PDE4C: variants seen among roughly 807,000 people sequenced by gnomAD.
PDE4C encodes 3',5'-cyclic-AMP phosphodiesterase 4C.
A neutral mutation model predicts 63.9 loss-of-function variants in PDE4C; 50 were observed. The observed-to-expected ratio is 0.78, with a 90% CI of 0.62 to 0.99. The LOEUF is 0.99. Ranked by LOEUF, PDE4C falls within the 50% of genes least tolerant of loss-of-function variation. The pLI, the probability that PDE4C is intolerant of heterozygous loss-of-function variation, is 0.00. For synonymous variants in PDE4C, 377 were observed against 385.1 expected (o/e 0.98, Z 0.25); for missense variants, 777 against 899.1 (o/e 0.86, Z 1.74).
At chr19:18,210,743 G>A in exon 15 of PDE4C, 1 of 1,004,722 alleles carries the variant, frequency 1.0e-6, no homozygotes. Flanking sequence ...TAGGGTCAGA[G>A]TGGACCCCAG....
chr19:18,227,642 C>T (rs181282802), upstream of PDE4C, among the ~76,000 whole-genome samples: 20 of 152,304 alleles, frequency 1.3e-4, no homozygotes, highest in South Asian at 2.1e-3. Flanking sequence ...GCATGTGTCA[C>T]ACAAGGAGGA....
chr19:18,233,422 A>AAGGGT (rs1968893644), exon 1 of PDE4C: 1 of 704,818 alleles, frequency 1.4e-6, no homozygotes, highest in African/African-American at 1.8e-5. Context: ...AACAGGGGAG[A>AAGGGT]AGAACGTGGT....
chr19:18,233,694 A>T, upstream of PDE4C: 2 of 354,600 alleles, frequency 5.6e-6, no homozygotes, highest in Non-Finnish European at 1.1e-5. Flanking sequence ...TGGATGAGAC[A>T]GCGAAGAGCT....
At position 18,222,704 on chromosome 19, in the gene PDE4C, T is replaced by TC. The variant is rs1555824844; in HGVS notation, c.147-382_147-381insG. 2.0e-4 allele frequency among the ~76,000 whole-genome samples: 27 copies of TC among 134,040 alleles called. 2 individuals are homozygous for TC. Among genetic ancestry groups the TC allele is most frequent in the South Asian group, 5.1e-4 (2 of 3,904 alleles). 87.9% of individuals were successfully genotyped at this position (134,040 alleles called of 152,430 possible). Reference sequence around the variant, plus strand: ...CTCTCTCTCGCCCTTTCTTTTCTTTTTTTTTTTTTTTTTTTGACAGGGCCC... The same window carrying TC: ...CTCTCTCTCGCCCTTTCTTTTCTTTTCTTTTTTTTTTTTTTTGACAGGGCCC... On this transcript the variant is annotated intron_variant, in intron 1 of 14. Coordinates refer to ENST00000262805, the Ensembl canonical transcript of PDE4C.
Position 18,219,755 on chromosome 19 carries a change from C to A in PDE4C, c.707-358G>T, listed in dbSNP as rs930331140. The A allele has an allele frequency of 1.3e-5, 3 of 229,620 alleles. No individual in the cohort carries two copies. In the East Asian group the frequency reaches 3.2e-4, roughly 25 times the overall value. 14.2% of individuals were successfully genotyped at this position (229,620 alleles called of 1,614,324 possible). On this transcript the variant is annotated intron_variant, in intron 7 of 14. Coordinates refer to ENST00000262805, the Ensembl canonical transcript of PDE4C. Reference sequence around the variant, plus strand: ...GGGAGAATTGCTTGAACCCAGGAGGCGGAGGTTGCAGTGGCTGAGATTGCA... The same window carrying A: ...GGGAGAATTGCTTGAACCCAGGAGGAGGAGGTTGCAGTGGCTGAGATTGCA...
chr19:18,244,435 C>T (rs1328370316), intron 1 of PDE4C, among the ~76,000 whole-genome samples: 6 of 152,030 alleles, frequency 3.9e-5, no homozygotes, highest in Non-Finnish European at 8.8e-5. Flanking sequence ...TCTGAGATTA[C>T]AGGCGACCGC....
chr19:18,219,616 G>A, intron 7 of PDE4C: 1 of 561,652 alleles, frequency 1.8e-6, no homozygotes, highest in Middle Eastern at 4.7e-4. Flanking sequence ...TTGAGGTCAG[G>A]AGTTCGAGAC....
chr19:18,241,551 G>A (rs1969039952), intron 1 of PDE4C, among the ~76,000 whole-genome samples: 1 of 151,670 alleles, frequency 6.6e-6, no homozygotes, highest in African/African-American at 2.4e-5. Context: ...ACAGGCGTGA[G>A]CCACCGCGCC....
the PDE4C span, among the ~76,000 whole-genome samples, chr19:18,253,315 C>T: frequency 6.6e-6 from 1 of 152,234 alleles, no homozygotes; most frequent in Admixed American, 6.5e-5. Context: ...CCCAGGAATT[C>T]AAGGCTGTAG....
At chr19:18,213,395 G>C (rs765074470) in exon 13 of PDE4C, 1 of 1,613,874 alleles carries the variant, frequency 6.2e-7, no homozygotes, top group African/African-American at 1.3e-5. Flanking sequence ...AGTTGTCCAG[G>C]AGGAGGACAC....
At chr19:18,248,821 G>A (rs1039780742), upstream of PDE4C, among the ~76,000 whole-genome samples, 93 of 128,906 alleles carry the variant, frequency 7.2e-4, 1 homozygote, top group Non-Finnish European at 1.5e-4. Context: ...TCAGGAGATC[G>A]AGACCATCCT....
chr19:18,228,540 A>G (rs1179196969), upstream of PDE4C, among the ~76,000 whole-genome samples: 6 of 152,194 alleles, frequency 3.9e-5, no homozygotes, highest in Non-Finnish European at 8.8e-5. Context: ...GTCCTCCCGC[A>G]CTGGATGCGT....
upstream of PDE4C, among the ~76,000 whole-genome samples, chr19:18,231,219 C>A (rs1600095423): frequency 6.6e-6 from 1 of 152,210 alleles, no homozygotes; most frequent in East Asian, 1.9e-4. Context: ...GCACAGTGGG[C>A]CACATGCATG....
intron 1 of PDE4C, among the ~76,000 whole-genome samples, chr19:18,243,229 C>A (rs1309904417): frequency 1.3e-5 from 2 of 152,126 alleles, no homozygotes; most frequent in Non-Finnish European, 2.9e-5. Flanking sequence ...CCTGCCTCAG[C>A]CTCCCGAGTA....
upstream of PDE4C, among the ~76,000 whole-genome samples, chr19:18,229,228 C>T (rs963285512): frequency 1.3e-4 from 20 of 149,696 alleles, no homozygotes; most frequent in Non-Finnish European, 2.1e-4. Flanking sequence ...GGATTACAGG[C>T]GTGAGCCACT....
chr19:18,226,386 G>C, exon 1 of PDE4C: 4 of 1,463,264 alleles, frequency 2.7e-6, no homozygotes, highest in Non-Finnish European at 3.6e-6. Context: ...CGGGCCCGGG[G>C]ACCGGGGCGG....
intron 1 of PDE4C, among the ~76,000 whole-genome samples, chr19:18,231,554 G>C (rs1044041486): frequency 6.6e-6 from 1 of 152,164 alleles, no homozygotes; most frequent in Non-Finnish European, 1.5e-5. Flanking sequence ...GGCCAGGCTG[G>C]GGGCGAGAGG....
chr19:18,212,056 G>A lies in PDE4C; in HGVS notation c.1513-115C>T, dbSNP rs934955838. 3.0e-6 allele frequency: 3 copies of A among 1,002,444 alleles called. No homozygotes were observed. The African/African-American group carries it at 4.8e-5, about 16-fold the overall frequency. The allele number at this position is 1,002,444 out of a possible 1,614,324, so 62.1% of individuals were successfully genotyped here. A position where few individuals can be genotyped will look rare whatever the true frequency, so the allele number is the denominator to read the frequency against. ...CATTCATCTTACAGGTGGGGAAACT[G>A]AGGCCTGAGACCTGAAGAAATGGTT... On this transcript the variant is annotated intron_variant, in intron 13 of 14. Coordinates refer to ENST00000262805, the Ensembl canonical transcript of PDE4C.
chr19:18,211,168 A>G (rs141280746), exon 15 of PDE4C: 4 of 1,613,856 alleles, frequency 2.5e-6, no homozygotes, highest in African/African-American at 2.7e-5. Context: ...TTGCTCTGGT[A>G]CCACTCTCGA....
Sources: gnomAD v4.1 joint callset for allele counts (sites outside exome capture counted in the v4.1 genomes callset) on GRCh38, gnomAD v4.1.1 for gene constraint, MANE v1.5 for transcripts, NCBI Gene and HGNC (gene_info 2026-07-23, HGNC 2026-07-21) for gene names.